Variants in YEATS2 observed in about 807,000 individuals in gnomAD.
The protein encoded by YEATS2 is YEATS domain-containing protein 2.
In YEATS2, 77 loss-of-function variants were observed where a neutral mutation model predicts 163.2. That is an observed-to-expected ratio of 0.47 (90% CI 0.39 to 0.57). YEATS2 has a LOEUF of 0.57. YEATS2 is among the 20% of genes least tolerant of loss of function. YEATS2 has a pLI of 0.00. For missense variants in YEATS2, 1,549 were observed against 1,729.8 expected, an observed-to-expected ratio of 0.90 and a Z score of 1.85; for synonymous variants, 631 against 645.1, an observed-to-expected ratio of 0.98 and a Z score of 0.33.
intron 4 of YEATS2, among the ~76,000 whole-genome samples, chr3:183,720,022 T>A (rs1716330247): frequency 6.6e-6 from 1 of 152,202 alleles, no homozygotes. Flanking sequence ...GGAAGTTAAG[T>A]CTAAAGGCTT....
chr3:183,701,951 A>G (rs914073190), intron 1 of YEATS2, among the ~76,000 whole-genome samples: 7 of 152,062 alleles, frequency 4.6e-5, no homozygotes, highest in African/African-American at 1.4e-4. Context: ...CTACTTCTCC[A>G]TGTCTGCAGT....
At chr3:183,796,734 T>G (rs1380330187) in intron 21 of YEATS2, among the ~76,000 whole-genome samples, 1 of 152,078 alleles carries the variant, frequency 6.6e-6, no homozygotes, top group Non-Finnish European at 1.5e-5. Context: ...CACGGAATTT[T>G]ATATCCAGAG....
At chr3:183,768,318 C>A (rs1316858501) in intron 15 of YEATS2, among the ~76,000 whole-genome samples, 1 of 152,144 alleles carries the variant, frequency 6.6e-6, no homozygotes, top group Non-Finnish European at 1.5e-5. Context: ...CAGACAGAGC[C>A]CGAAAGTCGC....
intron 1 of YEATS2, among the ~76,000 whole-genome samples, chr3:183,704,424 T>TA (rs1282165767): frequency 4.0e-5 from 6 of 151,600 alleles, no homozygotes; most frequent in African/African-American, 1.5e-4. Flanking sequence ...GGTTTGGAGA[T>TA]ACTGTGTTCT....
chr3:183,807,241 TC>T (rs1468745737), intron 28 of YEATS2, 149 bp downstream of exon 28: 2 of 713,060 alleles, frequency 2.8e-6, no homozygotes, highest in Non-Finnish European at 4.6e-6. Context: ...ATGCTTGACT[TC>T]CTTCTGCCTG....
At chr3:183,707,177 C>G (rs1048234601) in intron 1 of YEATS2, among the ~76,000 whole-genome samples, 23 of 152,172 alleles carry the variant, frequency 1.5e-4, no homozygotes, top group African/African-American at 5.3e-4. Flanking sequence ...GTAAGGAATA[C>G]TCAACCTGAA....
intron 21 of YEATS2, chr3:183,793,215 C>T (rs769433346): frequency 3.7e-5 from 46 of 1,256,956 alleles, no homozygotes; most frequent in Non-Finnish European, 4.6e-5. Flanking sequence ...ACACCCCTTA[C>T]TGCCTTTGGA....
Position 183,754,363 on chromosome 3 carries a change from C to G in YEATS2, c.1388C>G (p.Ser463Ter). The G allele has an allele frequency of 6.2e-7, 1 of 1,611,670 alleles. No homozygotes were observed. The highest frequency in any genetic ancestry group is 8.5e-7 in the Non-Finnish European group (1 of 1,178,098). Residue 463 changes from serine (S) to a stop codon, truncating the protein, a stop_gained and splice_region_variant, in exon 11 of 31, where the codon TCA becomes TGA. Coordinates refer to ENST00000305135, the MANE Select transcript of YEATS2 (RefSeq NM_018023.5). LOFTEE classifies it high-confidence loss of function. Reference sequence around the variant, plus strand: ...ATCACCATGAGCTGCAAGATTGTGTCAGGTATGCAGATGTTTTGAAGACAG... The same window carrying G: ...ATCACCATGAGCTGCAAGATTGTGTGAGGTATGCAGATGTTTTGAAGACAG... The part of the protein sequence containing the change: ...QPITMSCKIV[S>*]GSPISTPSPS...
At chr3:183,785,761 A>G (rs1182546691) in intron 19 of YEATS2, among the ~76,000 whole-genome samples, 1 of 152,252 alleles carries the variant, frequency 6.6e-6, no homozygotes, top group East Asian at 1.9e-4. Context: ...TTACCCATTT[A>G]AATCTGGCCC....
rs541115011 is a variant in YEATS2 at position 183,790,894 on chromosome 3, C to A, written c.3011C>A (p.Thr1004Asn). Reference protein sequence around the residue: ...QVCVSQATVGTCKAATPTVVS... With the variant: ...QVCVSQATVGNCKAATPTVVS... Reference sequence around the variant, plus strand: ...TGTGTGAGCCAGGCCACCGTGGGAACCTGCAAGGCTGCCACCCCCACCGTC... The same window carrying A: ...TGTGTGAGCCAGGCCACCGTGGGAAACTGCAAGGCTGCCACCCCCACCGTC... The change falls in exon 21 of 31, where the codon ACC becomes AAC. Residue 1004 changes from threonine to asparagine, a missense_variant. Thr to Asn is a moderately conservative substitution (Grantham distance 65). Transcript: ENST00000305135. The A allele has an allele frequency of 5.6e-5, 90 of 1,614,168 alleles. No individual in the cohort carries two copies. The South Asian group carries it at 9.7e-4, about 17-fold the overall frequency.
chr3:183,751,728 C>A (rs9865766), intron 9 of YEATS2, among the ~76,000 whole-genome samples: 6 of 152,178 alleles, frequency 3.9e-5, no homozygotes, highest in Admixed American at 2.6e-4. Flanking sequence ...TGAGAAGGTG[C>A]TACTTCATTG....
intron 21 of YEATS2, among the ~76,000 whole-genome samples, chr3:183,793,770 G>A (rs1040998705): frequency 4.8e-4 from 73 of 151,930 alleles, no homozygotes; most frequent in Middle Eastern, 3.4e-3. Context: ...GTGCCACCAC[G>A]TCCCACTAAT....
intron 1 of YEATS2, among the ~76,000 whole-genome samples, chr3:183,701,788 A>C (rs1484131413): frequency 6.6e-6 from 1 of 152,218 alleles, no homozygotes; most frequent in Non-Finnish European, 1.5e-5. Context: ...AACAAAATAC[A>C]TAACAATCGC....
In YEATS2 at chr3:183,786,143, G is replaced by T; in HGVS notation, c.2755G>T (p.Ala919Ser). The stretch of plus-strand genomic sequence containing the variant: ...TCTGCAGGCAGCCCATGGAGGACAG[G>T]CATCTCTAATGAAAATATCCGATAG... ...LFTQAAHGGQASLMKISDSTL... is the reference protein window; with the variant it reads ...LFTQAAHGGQSSLMKISDSTL... Residue 919 changes from alanine (A) to serine (S), a missense_variant, in exon 20 of 31, where the codon GCA becomes TCA. Coordinates refer to ENST00000305135, the MANE Select transcript of YEATS2 (RefSeq NM_018023.5). 1.2e-6 allele frequency: 2 copies of T among 1,613,466 alleles called. No individual in the cohort carries two copies. Among genetic ancestry groups the T allele is most frequent in the Non-Finnish European group, 1.7e-6 (2 of 1,179,492 alleles).
chr3:183,762,398 G>T, intron 15 of YEATS2, 119 bp downstream of exon 15: 3 of 1,283,360 alleles, frequency 2.3e-6, no homozygotes, highest in Non-Finnish European at 3.2e-6. Context: ...GAACCTGTGG[G>T]TGAAAGCCTA....
intron 19 of YEATS2, among the ~76,000 whole-genome samples, chr3:183,778,319 T>C (rs1723219191): frequency 6.6e-6 from 1 of 152,144 alleles, no homozygotes; most frequent in African/African-American, 2.4e-5. Context: ...ATGAGAAGCA[T>C]GGTCAGTTTT....
intron 24 of YEATS2, among the ~76,000 whole-genome samples, chr3:183,800,812 T>G (rs561923325): frequency 9.2e-5 from 14 of 152,182 alleles, no homozygotes; most frequent in Non-Finnish European, 1.9e-4. Flanking sequence ...GGATTAGACC[T>G]CCCTTCAGTT....
chr3:183,701,756 C>G (rs1048649043), intron 1 of YEATS2, among the ~76,000 whole-genome samples: 1 of 152,154 alleles, frequency 6.6e-6, no homozygotes, highest in Non-Finnish European at 1.5e-5. Context: ...TATCCACACT[C>G]TCAAATAAAT....
intron 15 of YEATS2, among the ~76,000 whole-genome samples, chr3:183,762,828 G>C (rs1721512694): frequency 6.6e-6 from 1 of 151,996 alleles, no homozygotes; most frequent in Non-Finnish European, 1.5e-5. Context: ...GAGGCGGGCG[G>C]ATTACCTGAA....
Sources: allele counts gnomAD v4.1 joint callset (sites outside exome capture counted in the v4.1 genomes callset), GRCh38; gene constraint gnomAD v4.1.1; transcripts MANE v1.5; gene names NCBI Gene and HGNC (gene_info 2026-07-23, HGNC 2026-07-21).